NLGN1: variants seen among roughly 807,000 people sequenced by gnomAD.
NLGN1 encodes neuroligin 1, also known as neuroligin-1.
In NLGN1, 12 loss-of-function variants were observed where a neutral mutation model predicts 65.5. That is an observed-to-expected ratio of 0.18 (90% confidence interval 0.12 to 0.30). The LOEUF is 0.30. Among genes scored for constraint, NLGN1 ranks in the 10% least tolerant of loss-of-function variants. NLGN1 has a pLI of 1.00. For synonymous variants in NLGN1, 350 were observed against 359.5 expected, an observed-to-expected ratio of 0.97 and a Z score of 0.30; for missense variants, 750 against 1,007.1, an observed-to-expected ratio of 0.74 and a Z score of 3.46.
At position 173,544,278 on chromosome 3, in the gene NLGN1, G is replaced by GTGTGTA. The variant is rs572282795; in HGVS notation, c.-320-59996_-320-59995insATGTGT. Among the ~76,000 whole-genome samples the GTGTGTA allele has an allele frequency of 4.7e-5, 7 of 149,324 alleles. No individual in the cohort carries two copies. The South Asian group carries it at 8.4e-4, about 18-fold the overall frequency. On this transcript the variant is annotated intron_variant, in intron 2 of 6. Coordinates refer to ENST00000457714, the Ensembl canonical transcript of NLGN1. ...ATATTACGTGTGTGTGTGTGTGTGT[G>GTGTGTA]TGTGTGTGTGTGTGAATTACTCTGG...
At chr3:173,462,933 G>A (rs1317435440) in intron 2 of NLGN1, among the ~76,000 whole-genome samples, 2 of 152,152 alleles carry the variant, frequency 1.3e-5, no homozygotes, top group African/African-American at 4.8e-5. Context: ...AATTCAGTCT[G>A]TGTTTTCTTA....
intron 2 of NLGN1, among the ~76,000 whole-genome samples, chr3:173,519,443 G>A (rs934175364): frequency 6.6e-6 from 1 of 152,248 alleles, no homozygotes; most frequent in African/African-American, 2.4e-5. Context: ...GCCCTTGAGA[G>A]CAGCTGTGGG....
intron 3 of NLGN1, among the ~76,000 whole-genome samples, chr3:173,684,886 A>G (rs1764467540): frequency 6.6e-6 from 1 of 152,228 alleles, no homozygotes; most frequent in Non-Finnish European, 1.5e-5. Flanking sequence ...TGTTATTACA[A>G]AAGCCTTTAA....
At chr3:173,586,422 C>T (rs1747445359) in intron 2 of NLGN1, among the ~76,000 whole-genome samples, 1 of 152,166 alleles carries the variant, frequency 6.6e-6, no homozygotes, top group Non-Finnish European at 1.5e-5. Context: ...ATTCCAGATA[C>T]ATGCGACGTT....
rs181750732 is a variant in NLGN1, at chr3:173,534,626, C to A, written c.-320-69653C>A. Among the ~76,000 whole-genome samples, 209 of 152,250 alleles carry A rather than the reference C, an allele frequency of 1.4e-3. 2 individuals carry two copies. Among genetic ancestry groups the A allele is most frequent in the African/African-American group, 4.9e-3 (205 of 41,562 alleles). On this transcript the variant is annotated intron_variant, in intron 2 of 6. Transcript: ENST00000457714. ...AGTAAGAATCAACTAAAATGAATGG[C>A]AAACCTATTCCCTACTAAGTTTTCT...
At chr3:173,749,948 T>C (rs1276014312) in intron 3 of NLGN1, among the ~76,000 whole-genome samples, 1 of 152,098 alleles carries the variant, frequency 6.6e-6, no homozygotes, top group Non-Finnish European at 1.5e-5. Context: ...TTATTCACTC[T>C]CACGTGAAGG....
intron 3 of NLGN1, among the ~76,000 whole-genome samples, chr3:173,804,795 G>C (rs1232774973): frequency 2.6e-5 from 4 of 152,130 alleles, no homozygotes; most frequent in African/African-American, 9.7e-5. Flanking sequence ...GGGAGGCCGA[G>C]GAGGGCAGAT....
chr3:173,818,191 A>G (rs566796081), intron 4 of NLGN1, among the ~76,000 whole-genome samples: 69 of 152,332 alleles, frequency 4.5e-4, no homozygotes, highest in African/African-American at 1.6e-3. Flanking sequence ...GTCAGCCTCA[A>G]TCCTTCCTCT....
chr3:173,702,175 C>T (rs1033877025), intron 3 of NLGN1, among the ~76,000 whole-genome samples: 3 of 146,584 alleles, frequency 2.0e-5, no homozygotes, highest in African/African-American at 7.5e-5. Context: ...GGAGGCGGAG[C>T]TTGCAGTGAG....
intron 3 of NLGN1, among the ~76,000 whole-genome samples, chr3:173,631,115 A>G (rs1459321194): frequency 2.6e-5 from 4 of 152,152 alleles, no homozygotes; most frequent in African/African-American, 7.2e-5. Flanking sequence ...AGGAACAACA[A>G]GTTCACTCTG....
At chr3:173,465,807 C>T (rs1475242071) in intron 2 of NLGN1, among the ~76,000 whole-genome samples, 1 of 152,078 alleles carries the variant, frequency 6.6e-6, no homozygotes, top group African/African-American at 2.4e-5. Flanking sequence ...GTGCCTCCAA[C>T]ATCTAGTGAG....
At chr3:173,543,271 G>A (rs1257727758) in intron 2 of NLGN1, among the ~76,000 whole-genome samples, 2 of 152,088 alleles carry the variant, frequency 1.3e-5, no homozygotes, top group Non-Finnish European at 2.9e-5. Flanking sequence ...TTGTCTATTA[G>A]CATAGCACTT....
At chr3:173,963,319 G>T (rs1368996349) in intron 4 of NLGN1, among the ~76,000 whole-genome samples, 1 of 152,242 alleles carries the variant, frequency 6.6e-6, no homozygotes, top group East Asian at 1.9e-4. Context: ...TTTATTTTAG[G>T]TTTTAAAATT....
intron 4 of NLGN1, among the ~76,000 whole-genome samples, chr3:174,191,058 A>G (rs1374121722): frequency 6.6e-6 from 1 of 151,954 alleles, no homozygotes; most frequent in Non-Finnish European, 1.5e-5. Flanking sequence ...AATGTATTAA[A>G]TTTATTCTTT....
intron 4 of NLGN1, among the ~76,000 whole-genome samples, chr3:174,123,931 T>G (rs1718307858): frequency 6.6e-6 from 1 of 152,138 alleles, no homozygotes; most frequent in Non-Finnish European, 1.5e-5. Flanking sequence ...GTCTGAATTG[T>G]GTTCTCTCAA....
chr3:173,461,182 C>T (rs2148888485), intron 2 of NLGN1, among the ~76,000 whole-genome samples: 1 of 152,162 alleles, frequency 6.6e-6, no homozygotes, highest in Middle Eastern at 3.4e-3. Flanking sequence ...CTGAACTGTC[C>T]ATGCATGGCC....
chr3:173,650,449 A>G (rs1172229619), intron 3 of NLGN1, among the ~76,000 whole-genome samples: 3 of 152,158 alleles, frequency 2.0e-5, no homozygotes, highest in African/African-American at 7.2e-5. Context: ...CACAATGGTT[A>G]TTGTATAGTT....
chr3:174,028,529 G>T (rs996630976), intron 4 of NLGN1, among the ~76,000 whole-genome samples: 8 of 152,170 alleles, frequency 5.3e-5, no homozygotes, highest in Non-Finnish European at 1.2e-4. Flanking sequence ...TCTAGCAGAA[G>T]AAATTTCTAA....
chr3:173,918,495 C>T lies in NLGN1; in HGVS notation c.646+110663C>T, dbSNP rs140138307. ...TAAAAATACAAAGATTAGCGCCATG[C>T]GGCAGCGTGTGCCTGTAGTCCCAGC... On this transcript the variant is annotated intron_variant, in intron 4 of 6. Transcript: ENST00000457714. Among the ~76,000 whole-genome samples, 26 of 151,646 alleles carry T rather than the reference C, an allele frequency of 1.7e-4. No individual in the cohort carries two copies. In the East Asian group the frequency reaches 3.3e-3, roughly 19 times the overall value.
Sources: gnomAD v4.1 joint callset for allele counts (sites outside exome capture counted in the v4.1 genomes callset) on GRCh38, gnomAD v4.1.1 for gene constraint, MANE v1.5 for transcripts, NCBI Gene and HGNC (gene_info 2026-07-23, HGNC 2026-07-21) for gene names.